Variants in STAU2 observed in about 807,000 individuals in gnomAD.
The protein encoded by STAU2 is double-stranded RNA-binding protein Staufen homolog 2.
In STAU2, 20 loss-of-function variants were observed where a neutral mutation model predicts 65.9. The observed-to-expected ratio is 0.30, with a 90% CI of 0.21 to 0.44. The LOEUF is 0.44. Ranked by LOEUF, STAU2 falls within the 20% of genes least tolerant of loss-of-function variation. The pLI is 1.00. For missense variants in STAU2, 558 were observed against 683.9 expected, an observed-to-expected ratio of 0.82 and a Z score of 2.05; for synonymous variants, 232 against 233.9, an observed-to-expected ratio of 0.99 and a Z score of 0.07.
At chr8:73,688,261 C>T (rs1359451225) in intron 5 of STAU2, among the ~76,000 whole-genome samples, 1 of 151,046 alleles carries the variant, frequency 6.6e-6, no homozygotes, top group Non-Finnish European at 1.5e-5. Flanking sequence ...ACTGCAACCT[C>T]CATCTCCCAG....
chr8:73,574,167 A>G (rs928809942), intron 12 of STAU2, among the ~76,000 whole-genome samples: 6 of 152,220 alleles, frequency 3.9e-5, no homozygotes, highest in African/African-American at 1.4e-4. Context: ...GCTCATCATC[A>G]CTGGCCATCA....
intron 10 of STAU2, among the ~76,000 whole-genome samples, chr8:73,600,003 C>G (rs539747313): frequency 7.9e-5 from 12 of 152,234 alleles, no homozygotes; most frequent in African/African-American, 2.9e-4. Context: ...CTCCTGACCT[C>G]GTGATCCACC....
At chr8:73,681,244 C>A (rs549778165) in intron 5 of STAU2, among the ~76,000 whole-genome samples, 2 of 152,188 alleles carry the variant, frequency 1.3e-5, no homozygotes, top group African/African-American at 4.8e-5. Context: ...TAAAGAAAAA[C>A]CTATCCGATA....
At chr8:73,480,468 G>T (rs75994851) in intron 13 of STAU2, among the ~76,000 whole-genome samples, 2 of 152,102 alleles carry the variant, frequency 1.3e-5, no homozygotes, top group African/African-American at 4.8e-5. Flanking sequence ...GTGACAACAC[G>T]AAGAGGGATT....
chr8:73,512,700 C>A (rs771811235), intron 13 of STAU2, among the ~76,000 whole-genome samples: 10 of 151,864 alleles, frequency 6.6e-5, no homozygotes, highest in Non-Finnish European at 1.5e-4. Context: ...CATACAGGAT[C>A]ACATCATCTG....
intron 13 of STAU2, among the ~76,000 whole-genome samples, chr8:73,522,116 A>G (rs7007588): frequency 0.34 from 51,658 of 152,068 alleles, 9,101 homozygotes; most frequent in African/African-American, 0.41. Flanking sequence ...TACTTACCCA[A>G]TCTTTGTGAG....
At chr8:73,429,993 TC>T (rs1476216625) in intron 13 of STAU2, among the ~76,000 whole-genome samples, 2 of 152,202 alleles carry the variant, frequency 1.3e-5, no homozygotes, top group Non-Finnish European at 2.9e-5. Context: ...GCTCAGCACT[TC>T]CGTAACACTT....
chr8:73,506,337 TAC>T (rs1186718244), intron 13 of STAU2, among the ~76,000 whole-genome samples: 1 of 152,126 alleles, frequency 6.6e-6, no homozygotes, highest in African/African-American at 2.4e-5. Flanking sequence ...TTTCTGAAGA[TAC>T]AGACTTGCCT....
intron 6 of STAU2, among the ~76,000 whole-genome samples, chr8:73,650,439 G>A (rs1815774135): frequency 6.6e-6 from 1 of 152,074 alleles, no homozygotes; most frequent in African/African-American, 2.4e-5. Flanking sequence ...GTGTGTGGAT[G>A]TAGGTATGTA....
At chr8:73,630,101 G>A (rs1813976830) in intron 6 of STAU2, among the ~76,000 whole-genome samples, 1 of 152,106 alleles carries the variant, frequency 6.6e-6, no homozygotes, top group South Asian at 2.1e-4. Flanking sequence ...AAGTACCTTG[G>A]ATTAACGTTA....
At chr8:73,727,159 G>A (rs1198095108) in intron 3 of STAU2, among the ~76,000 whole-genome samples, 1 of 152,158 alleles carries the variant, frequency 6.6e-6, no homozygotes, top group Non-Finnish European at 1.5e-5. Flanking sequence ...GAACCCGGGA[G>A]GCAGAGGTTG....
chr8:73,707,148 C>G (rs1820564252), intron 4 of STAU2, among the ~76,000 whole-genome samples: 1 of 152,074 alleles, frequency 6.6e-6, no homozygotes, highest in African/African-American at 2.4e-5. Flanking sequence ...AGGAGCTGGG[C>G]AAGTCAGCTG....
chr8:73,472,340 G>A (rs1341749064), intron 13 of STAU2, among the ~76,000 whole-genome samples: 1 of 152,162 alleles, frequency 6.6e-6, no homozygotes. Flanking sequence ...TGGGTGTAGA[G>A]AGAACAGAAC....
chr8:73,437,875 C>A (rs2128888006), intron 13 of STAU2, among the ~76,000 whole-genome samples: 1 of 151,948 alleles, frequency 6.6e-6, no homozygotes, highest in Non-Finnish European at 1.5e-5. Flanking sequence ...GATCAGGCCA[C>A]CTCCCACCTA....
chr8:73,523,949 A>T (rs898702886), intron 13 of STAU2, among the ~76,000 whole-genome samples: 11 of 152,128 alleles, frequency 7.2e-5, no homozygotes, highest in Admixed American at 6.5e-4. Context: ...TGGGACGCTG[A>T]GGTGGGAGGA....
intron 12 of STAU2, among the ~76,000 whole-genome samples, chr8:73,573,700 T>C (rs1002783257): frequency 1.3e-5 from 2 of 152,232 alleles, no homozygotes; most frequent in South Asian, 2.1e-4. Flanking sequence ...GCTAGCCATA[T>C]GTAGAAAGCT....
intron 13 of STAU2, among the ~76,000 whole-genome samples, chr8:73,491,186 G>A (rs1449624297): frequency 6.6e-6 from 1 of 152,002 alleles, no homozygotes. Context: ...AAGCACTTAT[G>A]AAAACATTTC....
At chr8:73,707,252 T>C (rs1820572076) in intron 4 of STAU2, among the ~76,000 whole-genome samples, 2 of 152,162 alleles carry the variant, frequency 1.3e-5, no homozygotes, top group South Asian at 4.1e-4. Flanking sequence ...GGTGGCAGAA[T>C]CAATGGATCT....
intron 13 of STAU2, 136 bp from the exon 14 acceptor site, chr8:73,422,838 C>T: frequency 1.8e-6 from 1 of 555,008 alleles, no homozygotes; most frequent in Non-Finnish European, 3.0e-6. Flanking sequence ...AACAAAAGTA[C>T]ACTAGAAAGT....
Sources: gnomAD v4.1 joint callset for allele counts (sites outside exome capture counted in the v4.1 genomes callset) on GRCh38, gnomAD v4.1.1 for gene constraint, MANE v1.5 for transcripts, NCBI Gene and HGNC (gene_info 2026-07-23, HGNC 2026-07-21) for gene names.